Variants in CXCL13 observed in about 807,000 individuals in gnomAD.
CXCL13 encodes the protein C-X-C motif chemokine ligand 13, also known as C-X-C motif chemokine 13.
CXCL13 carries 7 observed loss-of-function variants against 12.2 expected under a neutral mutation model. The observed-to-expected ratio is 0.57, with a 90% CI of 0.33 to 1.07. The LOEUF is 1.07. Among genes scored for constraint, CXCL13 ranks in the 50% least tolerant of loss-of-function variants. CXCL13 has a pLI of 0.04. For missense variants in CXCL13, 113 were observed against 127.4 expected, an observed-to-expected ratio of 0.89 and a Z score of 0.55; for synonymous variants, 47 against 42.4, an observed-to-expected ratio of 1.11 and a Z score of -0.42.
At chr4:77,590,212 A>T (rs1726573629) in intron 1 of CXCL13, among the ~76,000 whole-genome samples, 1 of 152,180 alleles carries the variant, frequency 6.6e-6, no homozygotes, top group South Asian at 2.1e-4. Context: ...ACCACCTACC[A>T]CACATGTCAG....
chr4:77,593,766 T>C (rs1726674380), intron 1 of CXCL13, among the ~76,000 whole-genome samples: 1 of 152,200 alleles, frequency 6.6e-6, no homozygotes, highest in Non-Finnish European at 1.5e-5. Flanking sequence ...ACAAGGGTGC[T>C]CTTGCAGAGA....
chr4:77,591,200 G>T (rs1372832406), intron 1 of CXCL13, among the ~76,000 whole-genome samples: 9 of 152,034 alleles, frequency 5.9e-5, no homozygotes, highest in African/African-American at 2.2e-4. Context: ...TTATTATTTA[G>T]ATATATATAC....
At chr4:77,597,282 T>C (rs1217043768) in intron 1 of CXCL13, among the ~76,000 whole-genome samples, 3 of 152,204 alleles carry the variant, frequency 2.0e-5, no homozygotes, top group African/African-American at 4.8e-5. Context: ...GTGTAAATCA[T>C]ATTTTTTTTA....
chr4:77,550,732 T>C (rs1179805731), intron 1 of CXCL13, among the ~76,000 whole-genome samples: 1 of 152,178 alleles, frequency 6.6e-6, no homozygotes, highest in Non-Finnish European at 1.5e-5. Flanking sequence ...TCCCCAATAT[T>C]ATTGTGTCTA....
chr4:77,533,794 G>A (rs1724989203), intron 1 of CXCL13, among the ~76,000 whole-genome samples: 1 of 152,162 alleles, frequency 6.6e-6, no homozygotes, highest in South Asian at 2.1e-4. Context: ...TGCTGTGCTA[G>A]CCATGAGCAA....
chr4:77,524,760 G>T (rs1433650401), intron 1 of CXCL13, among the ~76,000 whole-genome samples: 2 of 152,202 alleles, frequency 1.3e-5, no homozygotes, highest in African/African-American at 4.8e-5. Context: ...AGATGAACCA[G>T]GTACCTCAGT....
At chr4:77,521,516 A>C (rs984052228) in intron 1 of CXCL13, among the ~76,000 whole-genome samples, 1 of 152,114 alleles carries the variant, frequency 6.6e-6, no homozygotes, top group African/African-American at 2.4e-5. Context: ...AGGTGTTTAT[A>C]GTATTCTCTG....
intron 1 of CXCL13, among the ~76,000 whole-genome samples, chr4:77,547,084 A>C (rs947329063): frequency 1.3e-5 from 2 of 152,186 alleles, no homozygotes; most frequent in African/African-American, 4.8e-5. Context: ...TACTAATTTG[A>C]TTGCACTGTG....
At chr4:77,573,243 T>C (rs1726128965) in intron 1 of CXCL13, among the ~76,000 whole-genome samples, 1 of 151,696 alleles carries the variant, frequency 6.6e-6, no homozygotes, top group African/African-American at 2.4e-5. Flanking sequence ...AAAATAAAAG[T>C]TAAATTTAAA....
At chr4:77,605,024 T>A (rs1378028519), upstream of CXCL13, among the ~76,000 whole-genome samples, 1 of 152,136 alleles carries the variant, frequency 6.6e-6, no homozygotes, top group East Asian at 1.9e-4. Context: ...GATCAAAACC[T>A]AACTTCACAT....
chr4:77,533,586 T>C (rs1217089413), intron 1 of CXCL13, among the ~76,000 whole-genome samples: 1 of 152,180 alleles, frequency 6.6e-6, no homozygotes, highest in Non-Finnish European at 1.5e-5. Flanking sequence ...TTTAAGTCTG[T>C]AGAGGATTCT....
intron 1 of CXCL13, among the ~76,000 whole-genome samples, chr4:77,515,824 G>A (rs1724402186): frequency 6.6e-6 from 1 of 152,132 alleles, no homozygotes; most frequent in South Asian, 2.1e-4. Context: ...AATTGCCCTG[G>A]CCAGAACTTC....
chr4:77,608,304 G>T (rs755421269), intron 2 of CXCL13, among the ~76,000 whole-genome samples: 1 of 152,124 alleles, frequency 6.6e-6, no homozygotes, highest in South Asian at 2.1e-4. Context: ...GCCGGGTGTG[G>T]TGGTTCATGC....
intron 1 of CXCL13, among the ~76,000 whole-genome samples, chr4:77,549,774 C>T (rs1038853563): frequency 8.5e-5 from 13 of 152,180 alleles, no homozygotes; most frequent in African/African-American, 2.9e-4. Context: ...GAGATGTCTC[C>T]CAGTTAGGCT....
At chr4:77,549,003 G>C (rs186228537) in intron 1 of CXCL13, among the ~76,000 whole-genome samples, 1 of 152,222 alleles carries the variant, frequency 6.6e-6, no homozygotes, top group Non-Finnish European at 1.5e-5. Flanking sequence ...TTTTCACATA[G>C]TCCCATATTT....
At chr4:77,586,757 T>A (rs904873056) in intron 1 of CXCL13, among the ~76,000 whole-genome samples, 1 of 152,194 alleles carries the variant, frequency 6.6e-6, no homozygotes, top group East Asian at 1.9e-4. Context: ...ATTATCTTCA[T>A]ATATGCTTGA....
At chr4:77,574,813 A>C (rs930892433) in intron 1 of CXCL13, among the ~76,000 whole-genome samples, 3 of 151,942 alleles carry the variant, frequency 2.0e-5, no homozygotes, top group Admixed American at 6.5e-5. Flanking sequence ...GGACTTAAAG[A>C]AGAATAAGTG....
At chr4:77,517,114 G>A (rs1724442570) in intron 1 of CXCL13, among the ~76,000 whole-genome samples, 1 of 152,234 alleles carries the variant, frequency 6.6e-6, no homozygotes, top group African/African-American at 2.4e-5. Context: ...TAGTTGAGTG[G>A]TTTTGAGTGA....
chr4:77,548,613 C>T lies in CXCL13; in HGVS notation c.-43+36825C>T, dbSNP rs1001831683. Among the ~76,000 whole-genome samples the T allele has an allele frequency of 1.7e-3, 253 of 152,244 alleles. 1 individual carries two copies. The highest frequency in any genetic ancestry group is 5.8e-3 in the African/African-American group (242 of 41,544). Reference sequence around the variant, plus strand: ...ACAAGTGAGTACTAACCGAATTCCTCGGCTGGTACTAGAAAATAATCTTTT... The same window carrying T: ...ACAAGTGAGTACTAACCGAATTCCTTGGCTGGTACTAGAAAATAATCTTTT... On this transcript the variant is annotated intron_variant, in intron 1 of 4. Transcript: ENST00000286758.
Sources: gnomAD v4.1 joint callset for allele counts (sites outside exome capture counted in the v4.1 genomes callset) on GRCh38, gnomAD v4.1.1 for gene constraint, MANE v1.5 for transcripts, NCBI Gene and HGNC (gene_info 2026-07-23, HGNC 2026-07-21) for gene names.